The following NKAIN2 variants were observed in gnomAD, a reference collection of about 807,000 sequenced individuals.
NKAIN2 encodes the protein sodium/potassium-transporting ATPase subunit beta-1-interacting protein 2.
NKAIN2 carries 14 observed loss-of-function variants against 32.6 expected under a neutral mutation model. The observed-to-expected ratio is 0.43, with a 90% CI of 0.28 to 0.67. The LOEUF (loss-of-function observed/expected upper bound fraction) is 0.67. NKAIN2 is among the 30% of genes least tolerant of loss of function. The probability of loss-of-function intolerance (pLI) is 0.17; values close to 1 mark genes in which losing one functional copy is unlikely to be tolerated. For synonymous variants in NKAIN2, 80 were observed against 87.2 expected, an observed-to-expected ratio of 0.92 and a Z score of 0.46; for missense variants, 198 against 258.3, an observed-to-expected ratio of 0.77 and a Z score of 1.60.
chr6:124,393,749 A>G (rs1773242167), intron 3 of NKAIN2, among the ~76,000 whole-genome samples: 1 of 152,180 alleles, frequency 6.6e-6, no homozygotes, highest in South Asian at 2.1e-4. Context: ...TTAGTCATGC[A>G]TGCGTAATGG....
chr6:124,410,288 G>A (rs1027092992), intron 3 of NKAIN2, among the ~76,000 whole-genome samples: 2 of 151,886 alleles, frequency 1.3e-5, no homozygotes, highest in East Asian at 3.9e-4. Context: ...GTGATGTTAG[G>A]GTGTCAATTT....
chr6:124,472,355 C>A (rs1777008803), intron 3 of NKAIN2, among the ~76,000 whole-genome samples: 1 of 152,142 alleles, frequency 6.6e-6, no homozygotes, highest in Admixed American at 6.6e-5. Flanking sequence ...TATACTCAAG[C>A]ACCACATAGT....
At chr6:124,216,117 C>CA (rs1199794463) in intron 1 of NKAIN2, among the ~76,000 whole-genome samples, 7,127 of 63,764 alleles carry the variant, frequency 0.11, 445 homozygotes, top group African/African-American at 0.21. Context: ...AACTCTGTCT[C>CA]AAAAAAAAAA....
chr6:124,812,271 G>A (rs1312267087), intron 5 of NKAIN2, among the ~76,000 whole-genome samples: 3 of 152,134 alleles, frequency 2.0e-5, no homozygotes, highest in Admixed American at 2.0e-4. Flanking sequence ...TATCATTCAA[G>A]GCCTTGGCAG....
chr6:124,646,440 A>C (rs538756712), intron 3 of NKAIN2, among the ~76,000 whole-genome samples: 3 of 152,310 alleles, frequency 2.0e-5, no homozygotes, highest in Non-Finnish European at 4.4e-5. Context: ...CTGTCTGACT[A>C]ACAGAATTTC....
At chr6:123,898,550 TG>T (rs767313850) in intron 1 of NKAIN2, among the ~76,000 whole-genome samples, 2 of 134,474 alleles carry the variant, frequency 1.5e-5, no homozygotes, top group African/African-American at 6.6e-5. Flanking sequence ...GCTCCAGGGG[TG>T]TTTTTTTTTT....
At chr6:124,813,676 T>G (rs1385823587) in intron 5 of NKAIN2, among the ~76,000 whole-genome samples, 1 of 152,172 alleles carries the variant, frequency 6.6e-6, no homozygotes, top group African/African-American at 2.4e-5. Context: ...TTTGTAAAAT[T>G]AAGATAATTA....
chr6:123,927,258 T>C (rs1322141727), intron 1 of NKAIN2, among the ~76,000 whole-genome samples: 1 of 152,202 alleles, frequency 6.6e-6, no homozygotes, highest in East Asian at 1.9e-4. Context: ...AGAATCTTTT[T>C]CTTTAAGCCA....
At chr6:124,646,205 C>A (rs1784160827) in intron 3 of NKAIN2, among the ~76,000 whole-genome samples, 1 of 152,028 alleles carries the variant, frequency 6.6e-6, no homozygotes, top group South Asian at 2.1e-4. Flanking sequence ...ATTCAGAGAA[C>A]TAAGAAAACT....
intron 1 of NKAIN2, among the ~76,000 whole-genome samples, chr6:123,851,303 G>A (rs1775337368): frequency 7.3e-6 from 1 of 136,452 alleles, no homozygotes; most frequent in Non-Finnish European, 1.5e-5. Flanking sequence ...AGGCTGGAGT[G>A]CAATGGTGCA....
At chr6:123,956,275 T>A (rs942701816) in intron 1 of NKAIN2, among the ~76,000 whole-genome samples, 1 of 152,208 alleles carries the variant, frequency 6.6e-6, no homozygotes, top group Admixed American at 6.5e-5. Flanking sequence ...GACTGAATTG[T>A]ATCCGTGAAA....
chr6:124,747,811 T>C (rs891094991), intron 4 of NKAIN2, among the ~76,000 whole-genome samples: 2 of 151,780 alleles, frequency 1.3e-5, no homozygotes, highest in Non-Finnish European at 2.9e-5. Context: ...TTTTTTATAA[T>C]GTGCCTCATT....
intron 4 of NKAIN2, among the ~76,000 whole-genome samples, chr6:124,752,827 C>T (rs1242614795): frequency 5.9e-5 from 9 of 152,034 alleles, no homozygotes; most frequent in South Asian, 2.1e-4. Flanking sequence ...TGAAATACAT[C>T]GTATTTATGA....
chr6:124,681,888 A>G (rs879812565), intron 4 of NKAIN2, among the ~76,000 whole-genome samples: 2 of 152,088 alleles, frequency 1.3e-5, no homozygotes, highest in Non-Finnish European at 2.9e-5. Context: ...ATTTAAATGC[A>G]GAACTGATAC....
chr6:124,748,087 C>T (rs1385342691), intron 4 of NKAIN2, among the ~76,000 whole-genome samples: 1 of 151,892 alleles, frequency 6.6e-6, no homozygotes, highest in Non-Finnish European at 1.5e-5. Context: ...ATGAAAATCA[C>T]ACCACAATTT....
intron 1 of NKAIN2, among the ~76,000 whole-genome samples, chr6:124,269,862 T>C (rs1292994570): frequency 6.6e-6 from 1 of 152,146 alleles, no homozygotes; most frequent in Non-Finnish European, 1.5e-5. Context: ...CATCTCTTGA[T>C]TGGCCTTTAG....
chr6:124,283,091 C>A lies in NKAIN2; in HGVS notation c.141C>A (p.Val47=). 6.2e-7 allele frequency: 1 copy of A among 1,609,864 alleles called. No homozygotes were observed. The highest frequency in any genetic ancestry group is 8.5e-7 in the Non-Finnish European group (1 of 1,176,228). ...ILANFVHIII[V]ILGLFGTIQY... is the part of the protein sequence containing the mutation. ...CAAATTTTGTACATATTATTATCGT[C>A]ATTCTTGGTTTGTTTGGAACTATTC... The change falls in exon 2 of 7, where the codon GTC becomes GTA. Residue 47 remains valine (V), a synonymous_variant. Transcript: ENST00000368417.
chr6:124,052,986 G>A (rs1321343546), intron 1 of NKAIN2, among the ~76,000 whole-genome samples: 3 of 151,990 alleles, frequency 2.0e-5, no homozygotes, highest in Non-Finnish European at 4.4e-5. Flanking sequence ...AGGTGAGGGG[G>A]CATAAAATGG....
chr6:124,444,153 T>G (rs1298904133), intron 3 of NKAIN2, among the ~76,000 whole-genome samples: 1 of 152,062 alleles, frequency 6.6e-6, no homozygotes, highest in Non-Finnish European at 1.5e-5. Flanking sequence ...GATAAATTAT[T>G]GATTCGATAG....
Sources: gnomAD v4.1 joint callset for allele counts (sites outside exome capture counted in the v4.1 genomes callset) on GRCh38, gnomAD v4.1.1 for gene constraint, MANE v1.5 for transcripts, NCBI Gene and HGNC (gene_info 2026-07-23, HGNC 2026-07-21) for gene names.